The following NDFIP1 variants were observed in gnomAD, a reference collection of about 807,000 sequenced individuals.
NDFIP1 encodes the protein NEDD4 family-interacting protein 1.
Under a neutral mutation model 28.8 loss-of-function variants are expected in NDFIP1, and 7 were observed. That is an observed-to-expected ratio of 0.24 (90% CI 0.14 to 0.46). The LOEUF is 0.46. Ranked by LOEUF, NDFIP1 falls within the 20% of genes least tolerant of loss-of-function variation. The pLI is 0.99. For missense variants in NDFIP1, 194 were observed against 269.1 expected (o/e 0.72, Z 1.95); for synonymous variants, 92 against 101.0 (o/e 0.91, Z 0.53).
chr5:142,108,899 C>T lies in NDFIP1; in HGVS notation c.-76C>T. On this transcript the variant is annotated 5_prime_UTR_variant, in exon 1 of 8. Transcript: ENST00000253814. ...AGGCGCGTCCCCCTCGGCCTCCCAG[C>T]GCTCCCAAGCCGCAGCGGCCGCGCC... The T allele has an allele frequency of 2.3e-6, 3 of 1,284,904 alleles. No individual in the cohort carries two copies. The highest frequency in any genetic ancestry group is 3.0e-6 in the Non-Finnish European group (3 of 1,001,422). The allele number at this position is 1,284,904 out of a possible 1,614,324, so 79.6% of individuals were successfully genotyped here.
At chr5:142,147,263 T>C (rs1037575065) in intron 7 of NDFIP1, among the ~76,000 whole-genome samples, 1 of 152,164 alleles carries the variant, frequency 6.6e-6, no homozygotes, top group Non-Finnish European at 1.5e-5. Context: ...TGAAAAGCCA[T>C]AATATCCTAT....
chr5:142,142,940 A>AAAAAAATATATATATATATATAT (rs60076432), intron 6 of NDFIP1: 1 of 38,148 alleles, frequency 2.6e-5, no homozygotes, highest in Admixed American at 4.0e-4. Flanking sequence ...AAAAAAAAAA[A>AAAAAAATATATATATATATATAT]ATATATATAT....
At chr5:142,148,176 A>G (rs1185052733) in intron 7 of NDFIP1, among the ~76,000 whole-genome samples, 2 of 152,236 alleles carry the variant, frequency 1.3e-5, no homozygotes, top group Admixed American at 6.5e-5. Context: ...AGGGCATAAG[A>G]ATAGTGACTT....
chr5:142,117,320 T>C (rs1757078931), intron 1 of NDFIP1, among the ~76,000 whole-genome samples: 1 of 151,234 alleles, frequency 6.6e-6, no homozygotes, highest in Non-Finnish European at 1.5e-5. Flanking sequence ...CTCAGCTCAC[T>C]GCAACCTCCG....
chr5:142,135,202 TCTC>T (rs1757261906), intron 3 of NDFIP1, among the ~76,000 whole-genome samples: 4 of 152,052 alleles, frequency 2.6e-5, no homozygotes, highest in Admixed American at 2.6e-4. Context: ...ATGGTCTCGA[TCTC>T]CTGACCTCGT....
intron 6 of NDFIP1, 35 bp from the exon 7 acceptor site, chr5:142,144,536 A>G: frequency 6.7e-7 from 1 of 1,486,216 alleles, no homozygotes; most frequent in Non-Finnish European, 9.3e-7. Flanking sequence ...CATGGAAATT[A>G]TAAATTCATT....
At chr5:142,128,884 A>G in intron 1 of NDFIP1, among the ~76,000 whole-genome samples, 1 of 152,150 alleles carries the variant, frequency 6.6e-6, no homozygotes, top group Non-Finnish European at 1.5e-5. Flanking sequence ...GTCATCTTTT[A>G]CTATGGTGGG....
At chr5:142,140,448 CAAA>C (rs71576132) in intron 5 of NDFIP1, 112 bp from the exon 6 acceptor site, 4,899 of 512,084 alleles carry the variant, frequency 9.6e-3, no homozygotes, top group South Asian at 0.016. Context: ...AACTCCGTCT[CAAA>C]AAAAAAAAAA....
At chr5:142,138,124 G>T in intron 5 of NDFIP1, 1 of 280,502 alleles carries the variant, frequency 3.6e-6, no homozygotes, top group Non-Finnish European at 6.7e-6. Context: ...TTTATAATAT[G>T]ATAATGTATA....
At position 142,153,157 on chromosome 5, in the gene NDFIP1, GCATT is replaced by G. The variant is rs1212193779; in HGVS notation, c.*1432_*1435del. On this transcript the variant is annotated 3_prime_UTR_variant, in exon 8 of 8. Coordinates refer to ENST00000253814, the MANE Select transcript of NDFIP1 (RefSeq NM_030571.4). Reference sequence around the variant, plus strand: ...GCACCAACTGGTTTGAGTCCTGTGAGCATTCAGTCAGTTGAAATTAAAGATTCCT... The same window carrying G: ...GCACCAACTGGTTTGAGTCCTGTGAGCAGTCAGTTGAAATTAAAGATTCCT... The G allele has an allele frequency of 2.5e-6, 1 of 402,622 alleles. No individual in the cohort carries two copies. Among genetic ancestry groups the G allele is most frequent in the Non-Finnish European group, 4.9e-6 (1 of 203,120 alleles). 24.9% of individuals were successfully genotyped at this position (402,622 alleles called of 1,614,324 possible). A position where few individuals can be genotyped will look rare whatever the true frequency, so the allele number is the denominator to read the frequency against.
intron 1 of NDFIP1, among the ~76,000 whole-genome samples, chr5:142,126,025 T>C (rs992612460): frequency 2.0e-5 from 3 of 152,098 alleles, no homozygotes; most frequent in African/African-American, 7.2e-5. Context: ...TAATAACAAT[T>C]AGATAGAGAA....
At chr5:142,145,432 T>C (rs1011994599) in intron 7 of NDFIP1, among the ~76,000 whole-genome samples, 2 of 152,170 alleles carry the variant, frequency 1.3e-5, no homozygotes, top group East Asian at 1.9e-4. Flanking sequence ...CAAGTTCTAA[T>C]AGGCTTTCTT....
At chr5:142,113,921 A>G (rs1047453388) in intron 1 of NDFIP1, among the ~76,000 whole-genome samples, 1 of 152,196 alleles carries the variant, frequency 6.6e-6, no homozygotes, top group Non-Finnish European at 1.5e-5. Flanking sequence ...TCCATTTTAT[A>G]TATGTACCAC....
intron 1 of NDFIP1, among the ~76,000 whole-genome samples, chr5:142,122,167 A>G (rs1443979050): frequency 2.0e-5 from 3 of 152,222 alleles, no homozygotes; most frequent in Non-Finnish European, 4.4e-5. Context: ...CCAGCACTCC[A>G]AAAGATCCCT....
In NDFIP1 at chr5:142,153,477, C is replaced by T. The variant is rs768549074; in HGVS notation, c.*1749C>T. 1 of 453,372 alleles carries T rather than the reference C, an allele frequency of 2.2e-6. No individual in the cohort carries two copies. Among genetic ancestry groups the T allele is most frequent in the South Asian group, 1.6e-5 (1 of 64,090 alleles). The allele number at this position is 453,372 out of a possible 1,614,324, so 28.1% of individuals were successfully genotyped here. A position where few individuals can be genotyped will look rare whatever the true frequency, so the allele number is the denominator to read the frequency against. On this transcript the variant is annotated 3_prime_UTR_variant, in exon 8 of 8. Coordinates refer to ENST00000253814, the MANE Select transcript of NDFIP1 (RefSeq NM_030571.4). ...GAAAGCCAAACAGGAAAATTAGGAG[C>T]CTCCTGGATTGACATTTCAATGATC...
intron 5 of NDFIP1, 30 bp downstream of exon 5, chr5:142,137,888 T>TA: frequency 6.3e-7 from 1 of 1,589,438 alleles, no homozygotes; most frequent in Non-Finnish European, 8.6e-7. Context: ...AGATGGGCTC[T>TA]ACAGAGAGGC....
At position 142,148,247 on chromosome 5, in the gene NDFIP1, ACCT is replaced by A. The variant is rs1404531396; in HGVS notation, c.*3-3480_*3-3478del. Among the ~76,000 whole-genome samples the A allele has an allele frequency of 3.9e-5, 6 of 152,186 alleles. 1 individual carries two copies. Among genetic ancestry groups the A allele is most frequent in the African/African-American group, 1.4e-4 (6 of 41,512 alleles). ...ACCAATCTTGAAGTGATCCCAAAAC[ACCT>A]CCTTCTAATCAGTCAAAGTAGATAT... On this transcript the variant is annotated intron_variant, in intron 7 of 7. Coordinates refer to ENST00000253814, the MANE Select transcript of NDFIP1 (RefSeq NM_030571.4).
chr5:142,127,052 G>T (rs1484428214), intron 1 of NDFIP1, among the ~76,000 whole-genome samples: 1 of 152,028 alleles, frequency 6.6e-6, no homozygotes, highest in Non-Finnish European at 1.5e-5. Context: ...ATCTCACTTT[G>T]TCGCCCAGGC....
chr5:142,117,283 C>T (rs577353990), intron 1 of NDFIP1, among the ~76,000 whole-genome samples: 9 of 145,854 alleles, frequency 6.2e-5, no homozygotes, highest in Admixed American at 2.1e-4. Context: ...CTCACTCTGT[C>T]GCCAGGCTGG....
Sources: allele counts gnomAD v4.1 joint callset (sites outside exome capture counted in the v4.1 genomes callset), GRCh38; gene constraint gnomAD v4.1.1; transcripts MANE v1.5; gene names NCBI Gene and HGNC (gene_info 2026-07-23, HGNC 2026-07-21).